The following STK39 variants were observed in gnomAD, a reference collection of about 807,000 sequenced individuals.
STK39 encodes serine/threonine kinase 39.
A neutral mutation model predicts 77.8 loss-of-function variants in STK39; 20 were observed. The ratio of observed to expected loss-of-function variants is 0.26; its 90% confidence interval spans 0.18 to 0.37. The LOEUF (loss-of-function observed/expected upper bound fraction) is 0.37, where lower values mean the gene tolerates loss of function less well. Ranked by LOEUF, STK39 falls within the 10% of genes least tolerant of loss-of-function variation. STK39 has a pLI of 1.00. For missense variants in STK39, 479 were observed against 656.5 expected (o/e 0.73, Z 2.95); for synonymous variants, 246 against 234.1 (o/e 1.05, Z -0.47).
intron 17 of STK39, among the ~76,000 whole-genome samples, chr2:167,959,095 T>C (rs887493814): frequency 3.0e-5 from 4 of 132,270 alleles, no homozygotes; most frequent in Admixed American, 2.5e-4. Context: ...ACAACAAATA[T>C]TGTCAGATTT....
chr2:168,057,234 C>T lies in STK39; in HGVS notation c.1376+6266G>A, dbSNP rs182181857. 1.8e-4 allele frequency among the ~76,000 whole-genome samples: 28 copies of T among 152,286 alleles called. No individual in the cohort carries two copies. The East Asian group carries it at 2.9e-3, about 16-fold the overall frequency. On this transcript the variant is annotated intron_variant, in intron 14 of 17. Coordinates refer to ENST00000355999, the MANE Select transcript of STK39 (RefSeq NM_013233.3). ...TTGAGACAGAGTCTCGCTCTGTCGC[C>T]CAGGCTAGAGTGCAGTGGCATAATT...
chr2:168,236,939 G>T (rs1206567514), intron 1 of STK39, among the ~76,000 whole-genome samples: 1 of 151,886 alleles, frequency 6.6e-6, no homozygotes, highest in Non-Finnish European at 1.5e-5. Context: ...CGGGCTTTTT[G>T]GTTCCATATG....
chr2:168,063,511 A>AACGAGGTTC lies in STK39; in HGVS notation c.1356_1364dup (p.Asn453_Val455dup). ...ACAGTATTATTTACCTTAATCTCAA[A>AACGAGGTTC]ACGAGGTTCACGGCACAAGAAGAAG... On this transcript the variant is annotated inframe_insertion, in exon 14 of 18. Transcript: ENST00000355999. The AACGAGGTTC allele has an allele frequency of 6.2e-7, 1 of 1,612,938 alleles. No homozygotes were observed. The highest frequency in any genetic ancestry group is 8.5e-7 in the Non-Finnish European group (1 of 1,179,396).
intron 7 of STK39, among the ~76,000 whole-genome samples, chr2:168,138,470 T>A (rs779583597): frequency 6.6e-6 from 1 of 152,224 alleles, no homozygotes; most frequent in African/African-American, 2.4e-5. Flanking sequence ...TTAAGAATGA[T>A]CCCGGACAGA....
intron 14 of STK39, among the ~76,000 whole-genome samples, chr2:168,036,908 A>C (rs1684970738): frequency 6.6e-6 from 1 of 152,232 alleles, no homozygotes; most frequent in South Asian, 2.1e-4. Context: ...TCGAAAAAGA[A>C]AATAATCACC....
rs150228745 is a variant in STK39 at position 168,198,622 on chromosome 2, A to C, written c.209-16532T>G. Among the ~76,000 whole-genome samples, 342 of 152,336 alleles carry C rather than the reference A, an allele frequency of 2.2e-3. 3 individuals carry two copies. Among genetic ancestry groups the C allele is most frequent in the African/African-American group, 7.8e-3 (326 of 41,566 alleles). On this transcript the variant is annotated intron_variant, in intron 1 of 17. Transcript: ENST00000355999. ...AATGACTCACAAAGCACAGTAGGAAATCATCTGAATCTGATCTAAACCAGA... is the reference window on the plus strand; with the variant it reads ...AATGACTCACAAAGCACAGTAGGAACTCATCTGAATCTGATCTAAACCAGA...
At chr2:168,071,862 T>G (rs1239084609) in intron 12 of STK39, among the ~76,000 whole-genome samples, 1 of 135,108 alleles carries the variant, frequency 7.4e-6, no homozygotes. Flanking sequence ...AGAGTGAGAC[T>G]CCATCTCAAA....
intron 17 of STK39, among the ~76,000 whole-genome samples, chr2:167,956,692 ACACACTCTCT>A (rs1350603583): frequency 1.0e-3 from 46 of 45,776 alleles, no homozygotes; most frequent in Middle Eastern, 7.2e-3. Context: ...ACACACACAC[ACACACTCTCT>A]CTCTCTCTCT....
At chr2:168,109,442 T>C (rs948721587) in intron 10 of STK39, among the ~76,000 whole-genome samples, 2 of 152,236 alleles carry the variant, frequency 1.3e-5, no homozygotes, top group South Asian at 2.1e-4. Context: ...TATGATACTC[T>C]AATGTGTGGA....
At chr2:168,211,827 G>A (rs1689898382) in intron 1 of STK39, among the ~76,000 whole-genome samples, 1 of 152,200 alleles carries the variant, frequency 6.6e-6, no homozygotes. Flanking sequence ...TCCTATGCCT[G>A]GTTCTGAAAG....
intron 14 of STK39, among the ~76,000 whole-genome samples, chr2:168,036,339 A>G (rs1305761434): frequency 6.6e-6 from 1 of 152,072 alleles, no homozygotes; most frequent in African/African-American, 2.4e-5. Context: ...GGGAGGATAT[A>G]CTACAAGGAC....
At chr2:168,029,358 G>A (rs1280982853) in intron 14 of STK39, among the ~76,000 whole-genome samples, 2 of 152,142 alleles carry the variant, frequency 1.3e-5, no homozygotes, top group Non-Finnish European at 2.9e-5. Context: ...TAATTTCAGG[G>A]AAAATTTTAT....
At chr2:168,006,647 T>C (rs779876416) in intron 16 of STK39, among the ~76,000 whole-genome samples, 2 of 152,194 alleles carry the variant, frequency 1.3e-5, no homozygotes, top group African/African-American at 4.8e-5. Context: ...TATGCATGCA[T>C]GTCCTCTAGT....
At chr2:168,000,036 GA>G (rs1181972467) in intron 16 of STK39, among the ~76,000 whole-genome samples, 3 of 152,178 alleles carry the variant, frequency 2.0e-5, no homozygotes, top group Non-Finnish European at 4.4e-5. Context: ...CCAGCACTGA[GA>G]AAGTCATTTA....
chr2:168,166,927 G>A (rs752619224), intron 3 of STK39, among the ~76,000 whole-genome samples: 4 of 152,088 alleles, frequency 2.6e-5, no homozygotes, highest in African/African-American at 4.8e-5. Flanking sequence ...GGTGACTGTG[G>A]AGAGGATGTG....
chr2:168,223,949 G>A (rs1402855565), intron 1 of STK39, among the ~76,000 whole-genome samples: 1 of 152,038 alleles, frequency 6.6e-6, no homozygotes, highest in Non-Finnish European at 1.5e-5. Context: ...ACCTCAAAAC[G>A]TAAAGTAAAA....
At chr2:168,007,601 G>A (rs920976162) in intron 16 of STK39, among the ~76,000 whole-genome samples, 3 of 152,156 alleles carry the variant, frequency 2.0e-5, no homozygotes, top group Non-Finnish European at 2.9e-5. Context: ...AGTTGGGGAT[G>A]GTGTGCGATT....
intron 17 of STK39, among the ~76,000 whole-genome samples, chr2:167,958,116 T>C (rs1023674694): frequency 6.6e-6 from 1 of 152,164 alleles, no homozygotes; most frequent in Non-Finnish European, 1.5e-5. Context: ...CAATGACCCT[T>C]CAAAACAGCA....
chr2:168,030,925 TAC>T (rs1684817710), intron 14 of STK39, among the ~76,000 whole-genome samples: 1 of 152,208 alleles, frequency 6.6e-6, no homozygotes, highest in African/African-American at 2.4e-5. Flanking sequence ...TGCACGAGAA[TAC>T]ATCAGGGCAC....
Sources: allele counts gnomAD v4.1 joint callset (sites outside exome capture counted in the v4.1 genomes callset), GRCh38; gene constraint gnomAD v4.1.1; transcripts MANE v1.5; gene names NCBI Gene and HGNC (gene_info 2026-07-23, HGNC 2026-07-21).